Variants in PRKDC observed in about 807,000 individuals in gnomAD.
PRKDC encodes protein kinase, DNA-activated, catalytic subunit.
A neutral mutation model predicts 486.9 loss-of-function variants in PRKDC; 82 were observed. The ratio of observed to expected loss-of-function variants is 0.17; its 90% CI spans 0.14 to 0.20. The LOEUF (loss-of-function observed/expected upper bound fraction) is 0.20, where lower values mean the gene tolerates loss of function less well. PRKDC is among the 10% of genes least tolerant of loss of function. The pLI is 1.00. For missense variants in PRKDC, 4,504 were observed against 5,038.2 expected (o/e 0.89, Z 3.21); for synonymous variants, 1,895 against 1,837.0 (o/e 1.03, Z -0.81).
At chr8:47,801,717 A>C (rs1292673584) in intron 70 of PRKDC, among the ~76,000 whole-genome samples, 1 of 152,218 alleles carries the variant, frequency 6.6e-6, no homozygotes, top group African/African-American at 2.4e-5. Context: ...GCTACATTTA[A>C]AGTTCTAGTT....
At chr8:47,873,138 G>GA (rs2088996487) in intron 40 of PRKDC, among the ~76,000 whole-genome samples, 1 of 138,656 alleles carries the variant, frequency 7.2e-6, no homozygotes, top group South Asian at 2.3e-4. Context: ...GGAGGTTGCT[G>GA]AAAAAACTAA....
chr8:47,889,567 G>GC, intron 32 of PRKDC, among the ~76,000 whole-genome samples: 1 of 152,346 alleles, frequency 6.6e-6, no homozygotes, highest in East Asian at 1.9e-4. Flanking sequence ...CCAGGGCCTG[G>GC]CGTGCCACAG....
chr8:47,774,545 T>C (rs1171860107), intron 85 of PRKDC, among the ~76,000 whole-genome samples, 168 bp from the exon 86 acceptor site: 2 of 152,170 alleles, frequency 1.3e-5, no homozygotes, highest in African/African-American at 2.4e-5. Context: ...AAACAGAACA[T>C]GAATTATGCT....
At chr8:47,841,122 C>T (rs569844366) in intron 54 of PRKDC, among the ~76,000 whole-genome samples, 81 of 152,202 alleles carry the variant, frequency 5.3e-4, no homozygotes, top group Admixed American at 9.8e-4. Flanking sequence ...AATCCACGCT[C>T]GCCGTGGAGC....
At position 47,773,552 on chromosome 8, in the gene PRKDC, T is replaced by C. The variant is rs774342015; in HGVS notation, c.*621A>G. 9 of 220,544 alleles carry C rather than the reference T, an allele frequency of 4.1e-5. No homozygotes were observed. The highest frequency in any genetic ancestry group is 8.2e-5 in the Non-Finnish European group (9 of 110,264). The allele number at this position is 220,544 out of a possible 1,614,324, so 13.7% of individuals were successfully genotyped here. On this transcript the variant is annotated 3_prime_UTR_variant, in exon 86 of 86. Coordinates refer to ENST00000314191, the MANE Select transcript of PRKDC (RefSeq NM_006904.7). ...TGCCCTCCTAAATAAAGACGTTTCC[T>C]TCTAGAGAGCAAATCTATCATAAAA...
intron 58 of PRKDC, among the ~76,000 whole-genome samples, chr8:47,836,092 G>C (rs1231665097): frequency 6.6e-6 from 1 of 152,060 alleles, no homozygotes; most frequent in Admixed American, 6.5e-5. Context: ...CTGAAATTCT[G>C]TACCCATTAA....
At chr8:47,821,528 GT>G in intron 65 of PRKDC, 75 bp downstream of exon 65, 2 of 1,435,890 alleles carry the variant, frequency 1.4e-6, no homozygotes, top group Non-Finnish European at 9.6e-7. Context: ...TTTTTGAAAT[GT>G]TTTAAACAAT....
intron 78 of PRKDC, chr8:47,783,036 G>A: frequency 5.5e-6 from 1 of 181,474 alleles, no homozygotes. Context: ...CCAGCACTTT[G>A]GAAGGATGGG....
At chr8:47,945,662 T>G (rs544155817) in intron 7 of PRKDC, among the ~76,000 whole-genome samples, 2 of 152,316 alleles carry the variant, frequency 1.3e-5, no homozygotes, top group South Asian at 4.1e-4. Context: ...GGATGAACAC[T>G]TGGGTGGTTC....
At chr8:47,851,758 A>G (rs2088410422) in intron 52 of PRKDC, among the ~76,000 whole-genome samples, 1 of 152,182 alleles carries the variant, frequency 6.6e-6, no homozygotes, top group Admixed American at 6.5e-5. Context: ...AGGGAAATGC[A>G]GCTGACGAAA....
Position 47,933,975 on chromosome 8 carries a change from T to A in PRKDC, c.1613A>T (p.Asp538Val), listed in dbSNP as rs2090303003. ...VDLFRHLLSSDQMMDSILADE... is the reference protein window; with the variant it reads ...VDLFRHLLSSVQMMDSILADE... ...AATGGTAAATGTTACCATCATCTGG[T>A]CAGAGCTCAGGAGATGTCTGAAGAG... Residue 538 changes from aspartate (D) to valine (V), a missense_variant, in exon 15 of 86, where the codon GAC (aspartate) becomes GTC (valine). This residue lies in a region of PRKDC where 1,969 missense variants were observed against 2,068.9 expected (regional missense o/e 0.95). Coordinates refer to ENST00000314191, the MANE Select transcript of PRKDC (RefSeq NM_006904.7). The A allele has an allele frequency of 3.7e-6, 6 of 1,612,130 alleles. No homozygotes were observed. Among genetic ancestry groups the A allele is most frequent in the Non-Finnish European group, 5.1e-6 (6 of 1,179,304 alleles).
intron 20 of PRKDC, 29 bp from the exon 21 acceptor site, chr8:47,927,382 G>T: frequency 6.3e-7 from 1 of 1,578,580 alleles, no homozygotes; most frequent in Non-Finnish European, 8.6e-7. Flanking sequence ...AAGTTAAACT[G>T]AAACGCAGGA....
chr8:47,861,368 G>A (rs1245925329), intron 44 of PRKDC, among the ~76,000 whole-genome samples: 3 of 152,172 alleles, frequency 2.0e-5, no homozygotes, highest in East Asian at 3.8e-4. Context: ...GTGTCTACAC[G>A]CTTAATAAAC....
intron 54 of PRKDC, among the ~76,000 whole-genome samples, chr8:47,845,554 C>G (rs1302567624): frequency 6.6e-6 from 1 of 151,942 alleles, no homozygotes; most frequent in Non-Finnish European, 1.5e-5. Flanking sequence ...GAAATAGATA[C>G]ATTCCTGGAA....
At chr8:47,957,689 T>C (rs775787867) in intron 1 of PRKDC, among the ~76,000 whole-genome samples, 1 of 152,064 alleles carries the variant, frequency 6.6e-6, no homozygotes, top group Non-Finnish European at 1.5e-5. Context: ...TTTTTTTTTG[T>C]ATTTTTAGTA....
Position 47,819,413 on chromosome 8 carries a change from A to G in PRKDC, c.9434T>C (p.Ile3145Thr). 6.5e-7 allele frequency: 1 copy of G among 1,535,676 alleles called. No individual in the cohort carries two copies. Among genetic ancestry groups the G allele is most frequent in the Non-Finnish European group, 8.7e-7 (1 of 1,147,328 alleles). ...LTEIQEFISF[I>T]SKQGNLSSQV... ...ATGAAAAAAATTACCTTGTTTGCTT[A>G]TAAAGCTGATGAACTCCTGAATTTC... Residue 3145 changes from isoleucine (I) to threonine (T), a missense_variant, in exon 67 of 86, where the codon ATA (isoleucine) becomes ACA (threonine). By Grantham distance (89) the Ile-to-Thr change is moderately conservative. This residue lies in a region of PRKDC where 1,592 missense variants were observed against 1,724.6 expected (regional missense o/e 0.92). Coordinates refer to ENST00000314191, the MANE Select transcript of PRKDC (RefSeq NM_006904.7).
Position 47,879,532 on chromosome 8 carries a change from C to G in PRKDC, c.5194G>C (p.Gly1732Arg). The change falls in exon 39 of 86, where the codon GGA (glycine) becomes CGA (arginine). Residue 1732 changes from glycine to arginine, a missense_variant. By Grantham distance (125) the Gly-to-Arg change is moderately radical (BLOSUM62 -2). Transcript: ENST00000314191. ...FPMQSREFPPGTPRFNNYVDC... is the reference protein window; with the variant it reads ...FPMQSREFPPRTPRFNNYVDC... ...ACATAATTATTGAACCGCGGAGTTC[C>G]TGGAGGAAATTCCCTGGACTGCATG... The G allele has an allele frequency of 1.3e-6, 2 of 1,598,748 alleles. No individual in the cohort carries two copies. Among genetic ancestry groups the G allele is most frequent in the Non-Finnish European group, 1.7e-6 (2 of 1,172,198 alleles).
intron 25 of PRKDC, among the ~76,000 whole-genome samples, chr8:47,905,325 A>C (rs1286133336): frequency 6.6e-6 from 1 of 152,072 alleles, no homozygotes; most frequent in Non-Finnish European, 1.5e-5. Context: ...CACCATCCCC[A>C]GCCCCATTAG....
In PRKDC at chr8:47,840,200, G is replaced by C; in HGVS notation, c.7281-11C>G. The C allele has an allele frequency of 6.4e-7, 1 of 1,558,932 alleles. No individual in the cohort carries two copies. Among genetic ancestry groups the C allele is most frequent in the Non-Finnish European group, 8.7e-7 (1 of 1,149,236 alleles). On this transcript the variant is annotated splice_polypyrimidine_tract_variant and intron_variant, in intron 54 of 85. Transcript: ENST00000314191. ...TGTCTTTCATCATCTCTATGGGAGA[G>C]ATTTTAAAAACACACAAATTTAGCT...
Sources: allele counts gnomAD v4.1 joint callset (sites outside exome capture counted in the v4.1 genomes callset), GRCh38; gene constraint gnomAD v4.1.1; regional missense constraint gnomAD v4.1.1; transcripts MANE v1.5; gene names NCBI Gene and HGNC (gene_info 2026-07-23, HGNC 2026-07-21).